The following TMPRSS3 variants were observed in gnomAD, a reference collection of about 807,000 sequenced individuals.
TMPRSS3 encodes transmembrane protease serine 3.
Under a neutral mutation model 59.6 loss-of-function variants are expected in TMPRSS3, and 55 were observed. That is an observed-to-expected ratio of 0.92 (90% confidence interval 0.74 to 1.16). The LOEUF is 1.16. Among genes scored for constraint, TMPRSS3 ranks in the 50% most tolerant of loss-of-function variants. The pLI is 0.00. For missense variants in TMPRSS3, 596 were observed against 579.4 expected (o/e 1.03, Z -0.29); for synonymous variants, 257 against 237.7 (o/e 1.08, Z -0.75).
intron 5 of TMPRSS3, among the ~76,000 whole-genome samples, chr21:42,386,289 C>G (rs1213990096): frequency 1.3e-5 from 2 of 151,812 alleles, no homozygotes; most frequent in Non-Finnish European, 2.9e-5. Context: ...AGGATTTCTT[C>G]AGCTTACTGT....
Position 42,391,075 on chromosome 21 carries a change from A to G in TMPRSS3, c.95-1038T>C, listed in dbSNP as rs574910186. 1.2e-4 allele frequency among the ~76,000 whole-genome samples: 19 copies of G among 152,258 alleles called. No individual in the cohort carries two copies. The South Asian group carries it at 3.7e-3, about 30-fold the overall frequency. ...GCCCTATGACACTAAGATGGAGGGG[A>G]AGTAGCATCCCAACTTCCAAGGCTG... On this transcript the variant is annotated intron_variant, in intron 2 of 12. Transcript: ENST00000644384.
At position 42,379,857 on chromosome 21, in the gene TMPRSS3, G is replaced by A. The variant is rs543064213; in HGVS notation, c.1048+260C>T. 5.9e-5 allele frequency among the ~76,000 whole-genome samples: 9 copies of A among 152,260 alleles called. No homozygotes were observed. The South Asian group carries it at 1.9e-3, about 32-fold the overall frequency. On this transcript the variant is annotated intron_variant, in intron 10 of 12. Transcript: ENST00000644384. Reference sequence around the variant, plus strand: ...GGCCGGGGGTCCGGGCAGGGAAAGGGAAACACCTGCTGTGTTCGAGAAGGT... The same window carrying A: ...GGCCGGGGGTCCGGGCAGGGAAAGGAAAACACCTGCTGTGTTCGAGAAGGT...
chr21:42,380,045 TG>T, intron 10 of TMPRSS3, 71 bp downstream of exon 10: 3 of 1,309,512 alleles, frequency 2.3e-6, no homozygotes, highest in Non-Finnish European at 3.3e-6. Flanking sequence ...AATGGGACAT[TG>T]GGGGAGCCCC....
Position 42,388,802 on chromosome 21 carries a change from G to C in TMPRSS3, c.322+127C>G, listed in dbSNP as rs555601823. On this transcript the variant is annotated intron_variant, in intron 4 of 12. Coordinates refer to ENST00000644384, the MANE Select transcript of TMPRSS3 (RefSeq NM_001256317.3). The surrounding 1 kb of genome is among the most constrained non-coding windows in gnomAD (Gnocchi z 5.1). ...CCAACATGTCTTTGGGCAAACGCCAGTTCAATCCCAGCTGAAGACATGACC... is the reference window on the plus strand; with the variant it reads ...CCAACATGTCTTTGGGCAAACGCCACTTCAATCCCAGCTGAAGACATGACC... The C allele has an allele frequency of 6.4e-5, 65 of 1,013,890 alleles. No individual in the cohort carries two copies. In the East Asian group the frequency reaches 1.3e-3, roughly 21 times the overall value. The allele number at this position is 1,013,890 out of a possible 1,614,324, so 62.8% of individuals were successfully genotyped here.
At chr21:42,385,614 T>C (rs1404072867) in intron 5 of TMPRSS3, 80 bp from the exon 6 acceptor site, 3 of 1,554,654 alleles carry the variant, frequency 1.9e-6, no homozygotes, top group Non-Finnish European at 2.7e-6. Context: ...AGTCACAATA[T>C]TACAGGGATT....
chr21:42,378,602 C>T (rs191048049), intron 10 of TMPRSS3, among the ~76,000 whole-genome samples: 4 of 152,308 alleles, frequency 2.6e-5, no homozygotes, highest in East Asian at 1.9e-4. Context: ...CCAGGAATGC[C>T]AGTGCAGCTG....
At chr21:42,392,650 C>T (rs2052747887) in intron 2 of TMPRSS3, among the ~76,000 whole-genome samples, 1 of 152,186 alleles carries the variant, frequency 6.6e-6, no homozygotes, top group Non-Finnish European at 1.5e-5. Context: ...CGGTGGTGAG[C>T]TGGCAGAAAG....
chr21:42,382,777 C>T (rs2146435578), intron 8 of TMPRSS3: 1 of 566,674 alleles, frequency 1.8e-6, no homozygotes. Context: ...TCCTCCAGCA[C>T]AGGAGCTTCC....
At position 42,389,024 on chromosome 21, in the gene TMPRSS3, T is replaced by G; in HGVS notation, c.227A>C (p.Lys76Thr). ...GLGIHFDCSG[K>T]YRCRSSFKCI... ...CTTAAAGGATGAGCGACATCTGTAC[T>G]TCCCTGAGCAGTCGAAGTGGACTGG... The change falls in exon 4 of 13, where the codon AAG becomes ACG. Residue 76 changes from lysine to threonine, a missense_variant. Lys to Thr is a moderately conservative substitution (Grantham distance 78). Coordinates refer to ENST00000644384, the MANE Select transcript of TMPRSS3 (RefSeq NM_001256317.3). 1 of 1,614,186 alleles carries G rather than the reference T, an allele frequency of 6.2e-7. No individual in the cohort carries two copies. Among genetic ancestry groups the G allele is most frequent in the Non-Finnish European group, 8.5e-7 (1 of 1,180,022 alleles).
intron 10 of TMPRSS3, among the ~76,000 whole-genome samples, chr21:42,379,432 G>C (rs923553054): frequency 2.6e-5 from 4 of 152,160 alleles, no homozygotes; most frequent in African/African-American, 4.8e-5. Flanking sequence ...CAAAATGCTG[G>C]GACTACAGGT....
rs17114792 is a variant in TMPRSS3 at position 42,375,679 on chromosome 21, C to G, written c.1344+37G>C. ...TTTAAGGGACCTTAGGGTCAAAAGCCAGGGACAACGTGAGCTGGGGAGGGC... is the reference window on the plus strand; with the variant it reads ...TTTAAGGGACCTTAGGGTCAAAAGCGAGGGACAACGTGAGCTGGGGAGGGC... On this transcript the variant is annotated intron_variant, in intron 12 of 12. Transcript: ENST00000644384. The G allele has an allele frequency of 6.0e-3, 9,644 of 1,613,466 alleles. 455 individuals carry two copies. The African/African-American group carries it at 0.11, about 18-fold the overall frequency.
In TMPRSS3 at chr21:42,380,055, C is replaced by A. The variant is rs997602025; in HGVS notation, c.1048+62G>T. On this transcript the variant is annotated intron_variant, in intron 10 of 12. Transcript: ENST00000644384. ...ATCACAATGGGACATTGGGGGAGCCCCCTCCGCAGCCCTCTGGGTTCTGAG... is the reference window on the plus strand; with the variant it reads ...ATCACAATGGGACATTGGGGGAGCCACCTCCGCAGCCCTCTGGGTTCTGAG... The A allele has an allele frequency of 9.4e-6, 13 of 1,390,072 alleles. No homozygotes were observed. In the Admixed American group the frequency reaches 1.8e-4, roughly 19 times the overall value. 86.1% of individuals were successfully genotyped at this position (1,390,072 alleles called of 1,614,324 possible).
intron 7 of TMPRSS3, 156 bp downstream of exon 7, chr21:42,383,813 TC>T (rs1254924625): frequency 2.5e-6 from 2 of 786,382 alleles, no homozygotes; most frequent in Admixed American, 4.0e-5. Flanking sequence ...ATGACACTGC[TC>T]CCCTCCTCCA....
chr21:42,393,539 C>T (rs2052761322), intron 2 of TMPRSS3, among the ~76,000 whole-genome samples: 1 of 152,070 alleles, frequency 6.6e-6, no homozygotes, highest in Non-Finnish European at 1.5e-5. Flanking sequence ...AGAAGAATGG[C>T]ACTTATAATA....
rs1278512655 is a variant in TMPRSS3 at position 42,395,841 on chromosome 21, A to G, written c.-52+101T>C. 47 of 446,044 alleles carry G rather than the reference A, an allele frequency of 1.1e-4. 1 individual carries two copies. The highest frequency in any genetic ancestry group is 7.5e-4 in the South Asian group (47 of 62,358). The allele number at this position is 446,044 out of a possible 1,614,324, so 27.6% of individuals were successfully genotyped here. Reference sequence around the variant, plus strand: ...ATAAATTACTCTCAAAGCCCTTTCCATTGCTTTTTTGCGATTGTTTTCACC... The same window carrying G: ...ATAAATTACTCTCAAAGCCCTTTCCGTTGCTTTTTTGCGATTGTTTTCACC... On this transcript the variant is annotated intron_variant, in intron 1 of 12. Coordinates refer to ENST00000644384, the MANE Select transcript of TMPRSS3 (RefSeq NM_001256317.3).
chr21:42,386,174 A>G (rs376563113), intron 5 of TMPRSS3, among the ~76,000 whole-genome samples: 43 of 152,360 alleles, frequency 2.8e-4, no homozygotes, highest in African/African-American at 9.1e-4. Flanking sequence ...GAGAGTCACA[A>G]GATGGAAGAT....
At position 42,376,568 on chromosome 21, in the gene TMPRSS3, G is replaced by T. The variant is rs758488441; in HGVS notation, c.1164C>A (p.Tyr388Ter). The change falls in exon 11 of 13, where the codon TAC (tyrosine) becomes TAA (stop). Residue 388 changes from tyrosine (Y) to a stop codon, truncating the protein, a stop_gained. Transcript: ENST00000644384. LOFTEE classifies it high-confidence loss of function. ...GGCAGCTGTCCACGCCACCCGTCAG[G>T]TAGCCCGCGCAGAGCATGGAGGGGG... ...IISPSMLCAG[Y>*]LTGGVDSCQG... 1.2e-6 allele frequency: 2 copies of T among 1,613,574 alleles called. No homozygotes were observed. Among genetic ancestry groups the T allele is most frequent in the South Asian group, 2.2e-5 (2 of 91,082 alleles).
At chr21:42,373,637 C>T (rs192895391) in intron 12 of TMPRSS3, among the ~76,000 whole-genome samples, 7 of 152,344 alleles carry the variant, frequency 4.6e-5, no homozygotes, top group African/African-American at 1.2e-4. Flanking sequence ...TTCTGCACCC[C>T]TAAGTTTGAG....
intron 9 of TMPRSS3, 113 bp from the exon 10 acceptor site, chr21:42,380,325 G>C (rs2052505015): frequency 1.2e-6 from 1 of 866,572 alleles, no homozygotes; most frequent in African/African-American, 1.7e-5. Flanking sequence ...AGGGAAGGAA[G>C]GTCAAGCCCT....
Sources: gnomAD v4.1 joint callset for allele counts (sites outside exome capture counted in the v4.1 genomes callset) on GRCh38, gnomAD v4.1.1 for gene constraint, Gnocchi (gnomAD v3.1) non-coding constraint, MANE v1.5 for transcripts, NCBI Gene and HGNC (gene_info 2026-07-23, HGNC 2026-07-21) for gene names.